RXFP1: variants seen among roughly 807,000 people sequenced by gnomAD.
The protein encoded by RXFP1 is relaxin receptor 1.
Under a neutral mutation model 89.8 loss-of-function variants are expected in RXFP1, and 73 were observed. The observed-to-expected ratio is 0.81, with a 90% CI of 0.67 to 0.99. The LOEUF is 0.99. Among genes scored for constraint, RXFP1 ranks in the 50% least tolerant of loss-of-function variants. The probability of loss-of-function intolerance (pLI) is 0.00; values close to 1 mark genes in which losing one functional copy is unlikely to be tolerated. For missense variants in RXFP1, 793 were observed against 895.5 expected, an observed-to-expected ratio of 0.89 and a Z score of 1.46; for synonymous variants, 277 against 305.5, an observed-to-expected ratio of 0.91 and a Z score of 0.97.
chr4:158,590,825 A>T (rs1054235996), intron 2 of RXFP1, among the ~76,000 whole-genome samples: 2 of 152,192 alleles, frequency 1.3e-5, no homozygotes, highest in Admixed American at 6.5e-5. Flanking sequence ...GGGAAAGAGA[A>T]GCTTAAGAAA....
At chr4:158,624,559 G>C (rs1397249172) in intron 9 of RXFP1, among the ~76,000 whole-genome samples, 2 of 151,954 alleles carry the variant, frequency 1.3e-5, no homozygotes, top group Non-Finnish European at 2.9e-5. Context: ...TAGGAAGGGT[G>C]GTGGTTTAAA....
In RXFP1 at chr4:158,537,602, G is replaced by A. The variant is rs78020634; in HGVS notation, c.49+15577G>A. On this transcript the variant is annotated intron_variant, in intron 1 of 17. Transcript: ENST00000307765. ...CCATTATCTTAAAATACTCTTCTAA[G>A]TATTTCGGACACACAGACAATTATT... 7.6e-3 allele frequency among the ~76,000 whole-genome samples: 1,162 copies of A among 152,250 alleles called. 6 individuals carry two copies. Among genetic ancestry groups the A allele is most frequent in the South Asian group, 0.013 (61 of 4,826 alleles).
In RXFP1 at chr4:158,593,437, AT is replaced by A; in HGVS notation, c.228del (p.Phe76LeufsTer7). 6.2e-7 allele frequency: 1 copy of A among 1,612,284 alleles called. No homozygotes were observed. The highest frequency in any genetic ancestry group is 8.5e-7 in the Non-Finnish European group (1 of 1,179,062). ...GGATGGTCTCTGCAATTTGACAAATATTTTGCCAGTTACTACAAAATGACTT... is the reference window on the plus strand; with the variant it reads ...GGATGGTCTCTGCAATTTGACAAATATTTGCCAGTTACTACAAAATGACTT... The part of the protein sequence containing the change: ...NNGWSLQFDK[Y>X]FASYYKMTSQ... On this transcript the variant is annotated frameshift_variant, in exon 3 of 18. Coordinates refer to ENST00000307765, the MANE Select transcript of RXFP1 (RefSeq NM_021634.4). LOFTEE classifies it high-confidence loss of function.
chr4:158,639,839 G>A (rs941844833), intron 14 of RXFP1, among the ~76,000 whole-genome samples: 2 of 151,980 alleles, frequency 1.3e-5, no homozygotes, highest in African/African-American at 2.4e-5. Flanking sequence ...CAGCCTGGGC[G>A]ACAGAGTGAG....
intron 14 of RXFP1, among the ~76,000 whole-genome samples, chr4:158,644,067 CAG>C (rs1038682344): frequency 1.7e-5 from 2 of 119,304 alleles, no homozygotes; most frequent in African/African-American, 6.7e-5. Flanking sequence ...TTTTTGGAGA[CAG>C]AGTCTCGCTC....
chr4:158,633,713 TA>T (rs1364536419), intron 12 of RXFP1, among the ~76,000 whole-genome samples: 1 of 152,174 alleles, frequency 6.6e-6, no homozygotes, highest in African/African-American at 2.4e-5. Flanking sequence ...ATCCCCTGGC[TA>T]CCACCATTCT....
rs141772228 is a variant in RXFP1 at position 158,543,747 on chromosome 4, C to CT, written c.49+21728dup. 9,168 of 984,858 alleles carry CT rather than the reference C, an allele frequency of 9.3e-3. 632 individuals are homozygous for CT. In the African/African-American group the frequency reaches 0.14, roughly 15 times the overall value. The allele number at this position is 984,858 out of a possible 1,614,324, so 61.0% of individuals were successfully genotyped here. ...TCCTCCTGAAGAATGAACTTTCAAACTTTTTTATTAACACTCCATCTCCCA... is the reference window on the plus strand; with the variant it reads ...TCCTCCTGAAGAATGAACTTTCAAACTTTTTTTATTAACACTCCATCTCCCA... On this transcript the variant is annotated intron_variant, in intron 1 of 17. Coordinates refer to ENST00000307765, the MANE Select transcript of RXFP1 (RefSeq NM_021634.4).
chr4:158,642,235 A>T (rs72693379), intron 14 of RXFP1, among the ~76,000 whole-genome samples: 5,309 of 152,216 alleles, frequency 0.035, 132 homozygotes, highest in Middle Eastern at 0.054. Flanking sequence ...ATGTATAGTG[A>T]TCAGATCAGG....
At position 158,651,706 on chromosome 4, in the gene RXFP1, T is replaced by C. The variant is rs77098433; in HGVS notation, c.1976-51T>C. ...AAGAAACAGGGAAATTGGGTTTCTA[T>C]ACCTTGTAAACATCTATAAACACTA... is the stretch of plus-strand genomic sequence containing the variant. On this transcript the variant is annotated intron_variant, in intron 17 of 17. Coordinates refer to ENST00000307765, the MANE Select transcript of RXFP1 (RefSeq NM_021634.4). 1.7e-3 allele frequency: 2,413 copies of C among 1,441,948 alleles called. 34 individuals carry two copies. In the African/African-American group the frequency reaches 0.03, roughly 18 times the overall value. The allele number at this position is 1,441,948 out of a possible 1,614,324, so 89.3% of individuals were successfully genotyped here.
In RXFP1 at chr4:158,640,979, G is replaced by T. The variant is rs1405295819; in HGVS notation, c.1115+1648G>T. ...ATGCTTTAGAAGCACTTTTTTAATT[G>T]AATGCAATTTCATAGCAGTTATTAG... On this transcript the variant is annotated intron_variant, in intron 14 of 17. Transcript: ENST00000307765. Among the ~76,000 whole-genome samples, 3 of 152,112 alleles carry T rather than the reference G, an allele frequency of 2.0e-5. No individual in the cohort carries two copies. In the East Asian group the frequency reaches 5.8e-4, roughly 29 times the overall value.
chr4:158,593,472 C>A lies in RXFP1; in HGVS notation c.259C>A (p.Pro87Thr). The A allele has an allele frequency of 6.2e-7, 1 of 1,608,680 alleles. No homozygotes were observed. Among genetic ancestry groups the A allele is most frequent in the Non-Finnish European group, 8.5e-7 (1 of 1,175,870 alleles). The change falls in exon 3 of 18, where the codon CCT becomes ACT. Residue 87 changes from proline to threonine, a missense_variant. Coordinates refer to ENST00000307765, the MANE Select transcript of RXFP1 (RefSeq NM_021634.4). ...TTACTACAAAATGACTTCCCAATAT[C>A]CTTTTGAGGCAGAAACACCTGAATG... Reference protein sequence around the residue: ...ASYYKMTSQYPFEAETPECLV... With the variant: ...ASYYKMTSQYTFEAETPECLV...
At chr4:158,606,189 T>C (rs1580002155) in intron 5 of RXFP1, among the ~76,000 whole-genome samples, 1 of 152,188 alleles carries the variant, frequency 6.6e-6, no homozygotes, top group Admixed American at 6.5e-5. Context: ...GACTGAAGAA[T>C]TTTTCTGTAG....
intron 1 of RXFP1, among the ~76,000 whole-genome samples, chr4:158,530,746 CT>C (rs1280464247): frequency 6.6e-5 from 10 of 152,148 alleles, no homozygotes; most frequent in African/African-American, 2.2e-4. Context: ...GTCGTTACCC[CT>C]GATCCTGTGA....
At position 158,648,627 on chromosome 4, in the gene RXFP1, C is replaced by T. The variant is rs369872878; in HGVS notation, c.1885C>T (p.Arg629Cys). Residue 629 changes from arginine to cysteine, a missense_variant, in exon 17 of 18, where the codon CGT becomes TGT. Transcript: ENST00000307765. ...QVKKEMILAKRFFFIVFTDAL... is the reference protein window; with the variant it reads ...QVKKEMILAKCFFFIVFTDAL... ...TAAAAAAGAGATGATCCTTGCCAAA[C>T]GTTTTTTCTTTATAGTATTTACTGA... 8 of 1,612,982 alleles carry T rather than the reference C, an allele frequency of 5.0e-6. No individual in the cohort carries two copies. Among genetic ancestry groups the T allele is most frequent in the Middle Eastern group, 1.6e-4 (1 of 6,076 alleles).
At chr4:158,648,910 T>C (rs1307851726) in intron 17 of RXFP1, among the ~76,000 whole-genome samples, 193 bp downstream of exon 17, 1 of 152,164 alleles carries the variant, frequency 6.6e-6, no homozygotes, top group Non-Finnish European at 1.5e-5. Flanking sequence ...GTCAGGAGTT[T>C]GAGACCAGCC....
chr4:158,638,978 C>T (rs1264925359), intron 13 of RXFP1, among the ~76,000 whole-genome samples: 2 of 151,978 alleles, frequency 1.3e-5, no homozygotes, highest in Admixed American at 1.3e-4. Flanking sequence ...AATGCTTGTG[C>T]ATTTATTCCA....
intron 1 of RXFP1, among the ~76,000 whole-genome samples, chr4:158,524,881 T>C (rs887621311): frequency 2.0e-5 from 3 of 152,106 alleles, no homozygotes; most frequent in African/African-American, 7.2e-5. Context: ...AGTGAAGATA[T>C]AGGAAATAGA....
intron 1 of RXFP1, among the ~76,000 whole-genome samples, chr4:158,558,471 G>A (rs1207837901): frequency 1.3e-5 from 2 of 152,170 alleles, no homozygotes; most frequent in Non-Finnish European, 1.5e-5. Flanking sequence ...GTTTGGCATA[G>A]CATATTCAAT....
At chr4:158,643,755 G>A (rs1770882275) in intron 14 of RXFP1, among the ~76,000 whole-genome samples, 1 of 152,030 alleles carries the variant, frequency 6.6e-6, no homozygotes, top group Non-Finnish European at 1.5e-5. Context: ...ACAGGCATGA[G>A]CCACTGCTCC....
Sources: gnomAD v4.1 joint callset for allele counts (sites outside exome capture counted in the v4.1 genomes callset) on GRCh38, gnomAD v4.1.1 for gene constraint, MANE v1.5 for transcripts, NCBI Gene and HGNC (gene_info 2026-07-23, HGNC 2026-07-21) for gene names.